DSCAM: variants seen among roughly 807,000 people sequenced by gnomAD.
DSCAM encodes the protein cell adhesion molecule DSCAM.
DSCAM carries 47 observed loss-of-function variants against 217.7 expected under a neutral mutation model. The ratio of observed to expected loss-of-function variants is 0.22; its 90% confidence interval spans 0.17 to 0.28. DSCAM has a LOEUF of 0.28. Among genes scored for constraint, DSCAM ranks in the 10% least tolerant of loss-of-function variants. DSCAM has a pLI of 1.00. For synonymous variants in DSCAM, 1,056 were observed against 1,015.3 expected (o/e 1.04, Z -0.76); for missense variants, 2,080 against 2,618.3 (o/e 0.79, Z 4.49).
chr21:40,104,994 A>G (rs1398843117), intron 20 of DSCAM, among the ~76,000 whole-genome samples: 1 of 152,198 alleles, frequency 6.6e-6, no homozygotes, highest in Non-Finnish European at 1.5e-5. Context: ...TCAAAGCTAG[A>G]ATGCTTAGTG....
chr21:40,432,871 G>A (rs2075547752), intron 3 of DSCAM, among the ~76,000 whole-genome samples: 1 of 152,088 alleles, frequency 6.6e-6, no homozygotes, highest in Non-Finnish European at 1.5e-5. Flanking sequence ...AGCTGAGCTG[G>A]GTTTGCACCT....
chr21:40,672,006 A>G (rs12053692), intron 3 of DSCAM, among the ~76,000 whole-genome samples: 135,535 of 152,182 alleles, frequency 0.89, 60,472 homozygotes, highest in East Asian at 1. Context: ...TATCTGGTGA[A>G]GGCTCTCTTC....
Position 40,563,359 on chromosome 21 carries a change from A to T in DSCAM, c.508+129451T>A, listed in dbSNP as rs564628839. Among the ~76,000 whole-genome samples, 10 of 151,718 alleles carry T rather than the reference A, an allele frequency of 6.6e-5. 1 individual carries two copies. The South Asian group carries it at 1.9e-3, about 29-fold the overall frequency. ...GCAGAAATACTACCTATATTTTGAA[A>T]TACAGGTAGTATTATCATTGATCTG... On this transcript the variant is annotated intron_variant, in intron 3 of 32. Coordinates refer to ENST00000400454, the MANE Select transcript of DSCAM (RefSeq NM_001389.5).
chr21:40,469,626 T>C (rs1232387134), intron 3 of DSCAM, among the ~76,000 whole-genome samples: 1 of 152,162 alleles, frequency 6.6e-6, no homozygotes, highest in Non-Finnish European at 1.5e-5. Context: ...TTAACTAAAA[T>C]GTAAGACATA....
intron 3 of DSCAM, among the ~76,000 whole-genome samples, chr21:40,457,070 C>T (rs554280228): frequency 6.6e-6 from 1 of 152,238 alleles, no homozygotes; most frequent in South Asian, 2.1e-4. Context: ...CAAATAGATT[C>T]TTTAATGGTG....
chr21:40,498,745 ATATATATAT>A, intron 3 of DSCAM, among the ~76,000 whole-genome samples: 1 of 27,588 alleles, frequency 3.6e-5, no homozygotes, highest in African/African-American at 2.6e-4. Flanking sequence ...GTATATATAT[ATATATATAT>A]ATGGGTGTAT....
At chr21:40,369,297 A>C in intron 3 of DSCAM, 52 bp from the exon 4 acceptor site, 1 of 1,550,848 alleles carries the variant, frequency 6.4e-7, no homozygotes, top group South Asian at 1.2e-5. Flanking sequence ...AAGCAACCCA[A>C]CCACACAGAC....
chr21:40,311,762 C>T (rs1233899284), intron 9 of DSCAM, among the ~76,000 whole-genome samples: 1 of 151,986 alleles, frequency 6.6e-6, no homozygotes, highest in East Asian at 1.9e-4. Flanking sequence ...AAAGCAAAAG[C>T]TCACGGACGT....
At chr21:40,242,617 G>A (rs1458439593) in intron 11 of DSCAM, among the ~76,000 whole-genome samples, 2 of 152,188 alleles carry the variant, frequency 1.3e-5, no homozygotes, top group Non-Finnish European at 1.5e-5. Context: ...GAGCAGAAGT[G>A]CCATGTGTGG....
chr21:40,143,486 T>G (rs1040079077), intron 17 of DSCAM, among the ~76,000 whole-genome samples: 5 of 152,214 alleles, frequency 3.3e-5, no homozygotes, highest in Admixed American at 1.3e-4. Flanking sequence ...AAGTCCTATC[T>G]GCCTCCGCAA....
intron 1 of DSCAM, among the ~76,000 whole-genome samples, chr21:40,822,381 T>A (rs1312499012): frequency 6.7e-6 from 1 of 148,764 alleles, no homozygotes; most frequent in Admixed American, 6.7e-5. Context: ...CATTTTATAA[T>A]CTAACTAAAT....
At chr21:40,339,092 T>C (rs1443283814) in intron 7 of DSCAM, 27 bp downstream of exon 7, 3 of 1,611,584 alleles carry the variant, frequency 1.9e-6, no homozygotes, top group Non-Finnish European at 2.5e-6. Flanking sequence ...TATGTGTGTT[T>C]TTTTGAGGAG....
intron 32 of DSCAM, among the ~76,000 whole-genome samples, chr21:40,031,616 G>C (rs1418542037): frequency 2.0e-5 from 3 of 151,714 alleles, no homozygotes; most frequent in Non-Finnish European, 4.4e-5. Context: ...ATAGAAGATG[G>C]TCAGTCACCA....
intron 1 of DSCAM, among the ~76,000 whole-genome samples, chr21:40,727,658 G>A (rs1334392984): frequency 1.3e-5 from 2 of 152,026 alleles, no homozygotes; most frequent in Non-Finnish European, 2.9e-5. Context: ...TCTCCCTGGT[G>A]CCCAATGGGT....
intron 1 of DSCAM, among the ~76,000 whole-genome samples, chr21:40,800,892 T>G (rs1329416484): frequency 1.3e-5 from 2 of 151,806 alleles, no homozygotes; most frequent in African/African-American, 4.8e-5. Context: ...ATTTTTGTAT[T>G]TTTAATGGAG....
chr21:40,580,613 A>C (rs1310343611), intron 3 of DSCAM, among the ~76,000 whole-genome samples: 1 of 152,142 alleles, frequency 6.6e-6, no homozygotes, highest in African/African-American at 2.4e-5. Context: ...AAGAGCATGG[A>C]AAGTAGAAAA....
At chr21:40,504,245 T>G (rs1360156865) in intron 3 of DSCAM, among the ~76,000 whole-genome samples, 4 of 151,956 alleles carry the variant, frequency 2.6e-5, no homozygotes, top group African/African-American at 9.7e-5. Flanking sequence ...GGAAGAGGAT[T>G]TGTTTATCAC....
At chr21:40,509,083 T>A (rs2076237958) in intron 3 of DSCAM, among the ~76,000 whole-genome samples, 1 of 152,060 alleles carries the variant, frequency 6.6e-6, no homozygotes, top group African/African-American at 2.4e-5. Context: ...TATTGTTGTT[T>A]CCTCTTTGTA....
chr21:40,581,889 A>G (rs2076908861), intron 3 of DSCAM, among the ~76,000 whole-genome samples: 1 of 152,316 alleles, frequency 6.6e-6, no homozygotes, highest in Middle Eastern at 3.4e-3. Flanking sequence ...AAAGTAACGC[A>G]ATCAAACATA....
Sources: gnomAD v4.1 joint callset for allele counts (sites outside exome capture counted in the v4.1 genomes callset) on GRCh38, gnomAD v4.1.1 for gene constraint, MANE v1.5 for transcripts, NCBI Gene and HGNC (gene_info 2026-07-23, HGNC 2026-07-21) for gene names.